BCL2L13: variants seen among roughly 807,000 people sequenced by gnomAD.
The protein encoded by BCL2L13 is BCL2 like 13.
In BCL2L13, 13 loss-of-function variants were observed where a neutral mutation model predicts 25.8. That is an observed-to-expected ratio of 0.50 (90% CI 0.33 to 0.80). The LOEUF is 0.80. Ranked by LOEUF, BCL2L13 falls within the 30% of genes least tolerant of loss-of-function variation. The probability of loss-of-function intolerance (pLI) is 0.02; values close to 1 mark genes in which losing one functional copy is unlikely to be tolerated. For synonymous variants in BCL2L13, 244 were observed against 230.3 expected, an observed-to-expected ratio of 1.06 and a Z score of -0.54; for missense variants, 504 against 574.9, an observed-to-expected ratio of 0.88 and a Z score of 1.26.
At chr22:17,691,868 A>T (rs1568980033) in intron 4 of BCL2L13, among the ~76,000 whole-genome samples, 2 of 152,106 alleles carry the variant, frequency 1.3e-5, no homozygotes, top group Non-Finnish European at 2.9e-5. Context: ...AGCAAATTCT[A>T]TTTAAAGGAG....
chr22:17,646,405 C>A (rs745427324), intron 1 of BCL2L13, among the ~76,000 whole-genome samples: 1 of 151,174 alleles, frequency 6.6e-6, no homozygotes, highest in Non-Finnish European at 1.5e-5. Flanking sequence ...CATGCCACCA[C>A]GCCAGGCTAA....
chr22:17,668,260 A>C (rs1206748460), intron 2 of BCL2L13, among the ~76,000 whole-genome samples: 1 of 148,832 alleles, frequency 6.7e-6, no homozygotes. Context: ...TGATTTGCCC[A>C]CCTCAGCCTC....
intron 2 of BCL2L13, among the ~76,000 whole-genome samples, chr22:17,656,528 A>G (rs1172238161): frequency 6.6e-6 from 1 of 150,722 alleles, no homozygotes; most frequent in Non-Finnish European, 1.5e-5. Flanking sequence ...TTGTATTTTT[A>G]GTAGAGATGA....
chr22:17,667,274 C>G (rs1021083462), intron 2 of BCL2L13, among the ~76,000 whole-genome samples: 1 of 152,010 alleles, frequency 6.6e-6, no homozygotes, highest in Non-Finnish European at 1.5e-5. Context: ...TGGGTTCAAG[C>G]GATTCTCCTG....
chr22:17,657,379 A>G (rs1004589548), intron 2 of BCL2L13, among the ~76,000 whole-genome samples: 1 of 151,452 alleles, frequency 6.6e-6, no homozygotes, highest in Non-Finnish European at 1.5e-5. Context: ...ACTTAACTCT[A>G]CTTTGTGCTA....
intron 2 of BCL2L13, among the ~76,000 whole-genome samples, chr22:17,670,373 C>CT (rs370701152): frequency 0.15 from 19,838 of 128,876 alleles, 1,867 homozygotes; most frequent in African/African-American, 0.24. Context: ...CTCAAATCAG[C>CT]TTTTTTTTTT....
intron 6 of BCL2L13, among the ~76,000 whole-genome samples, chr22:17,725,415 G>A (rs1163289951): frequency 6.6e-5 from 10 of 151,668 alleles, no homozygotes; most frequent in Admixed American, 6.6e-4. Flanking sequence ...TGTACCCTTC[G>A]CCTGCCAAAA....
At chr22:17,653,146 A>G (rs5992088) in intron 1 of BCL2L13, among the ~76,000 whole-genome samples, 51,128 of 152,016 alleles carry the variant, frequency 0.34, 9,366 homozygotes, top group African/African-American at 0.43. Flanking sequence ...TTGCACTGCC[A>G]TCATAAAGTG....
At chr22:17,633,764 T>C (rs1177088439), upstream of BCL2L13, among the ~76,000 whole-genome samples, 5 of 152,210 alleles carry the variant, frequency 3.3e-5, no homozygotes, top group Non-Finnish European at 5.9e-5. Context: ...CTTAGGTGTC[T>C]GCACTTTTTG....
intron 6 of BCL2L13, among the ~76,000 whole-genome samples, chr22:17,712,782 A>G (rs1479837440): frequency 6.6e-6 from 1 of 152,200 alleles, no homozygotes; most frequent in Non-Finnish European, 1.5e-5. Flanking sequence ...TTTCAGGAAG[A>G]TTACAGAAAT....
intron 1 of BCL2L13, among the ~76,000 whole-genome samples, chr22:17,641,838 C>T (rs535581669): frequency 5.5e-5 from 8 of 144,562 alleles, no homozygotes; most frequent in South Asian, 2.2e-4. Flanking sequence ...CTCACTCTGT[C>T]GCCCAGGCTG....
At position 17,728,253 on chromosome 22, in the gene BCL2L13, AGTCT is replaced by A. The variant is rs2061346767; in HGVS notation, c.*723_*726del. ...ACGGGCGAGGGCTTGCTCTGGACTC[AGTCT>A]GTCAAGTCCCCGAAGCTTCCTGCAG... On this transcript the variant is annotated 3_prime_UTR_variant, in exon 7 of 7. Coordinates refer to ENST00000317582, the MANE Select transcript of BCL2L13 (RefSeq NM_015367.4). 3 of 130,824 alleles carry A rather than the reference AGTCT, an allele frequency of 2.3e-5. No individual in the cohort carries two copies. Among genetic ancestry groups the A allele is most frequent in the South Asian group, 4.3e-4 (2 of 4,666 alleles). The allele number at this position is 130,824 out of a possible 1,614,324, so 8.1% of individuals were successfully genotyped here.
intron 6 of BCL2L13, among the ~76,000 whole-genome samples, chr22:17,722,265 G>A (rs2061160228): frequency 6.6e-6 from 1 of 151,766 alleles, no homozygotes; most frequent in Admixed American, 6.6e-5. Flanking sequence ...ATCTTGCTCT[G>A]TCATCCAGGC....
chr22:17,690,817 A>G (rs2060084662), intron 4 of BCL2L13, among the ~76,000 whole-genome samples: 1 of 152,196 alleles, frequency 6.6e-6, no homozygotes, highest in African/African-American at 2.4e-5. Context: ...CCTAATATAT[A>G]GTAAAATTTA....
At chr22:17,710,196 A>G (rs1338123761) in intron 6 of BCL2L13, among the ~76,000 whole-genome samples, 2 of 152,170 alleles carry the variant, frequency 1.3e-5, no homozygotes, top group Non-Finnish European at 2.9e-5. Context: ...ACAGCACAGA[A>G]TGTTCAGTGA....
chr22:17,727,774 A>G lies in BCL2L13; in HGVS notation c.*240A>G. 1.7e-6 allele frequency: 1 copy of G among 572,978 alleles called. No individual in the cohort carries two copies. Among genetic ancestry groups the G allele is most frequent in the South Asian group, 2.2e-5 (1 of 46,460 alleles). The allele number at this position is 572,978 out of a possible 1,614,324, so 35.5% of individuals were successfully genotyped here. ...AAATTGAGAATCTTAGGGGTAAAGCACCCCCTCCAGGACCGGGTTTCTCAG... is the reference window on the plus strand; with the variant it reads ...AAATTGAGAATCTTAGGGGTAAAGCGCCCCCTCCAGGACCGGGTTTCTCAG... On this transcript the variant is annotated 3_prime_UTR_variant, in exon 7 of 7. Transcript: ENST00000317582.
intron 2 of BCL2L13, among the ~76,000 whole-genome samples, chr22:17,668,077 C>G (rs2059293936): frequency 7.0e-6 from 1 of 142,430 alleles, no homozygotes; most frequent in Non-Finnish European, 1.5e-5. Flanking sequence ...GTGGCACTAT[C>G]TTGGCTCATT....
rs938089378 is a variant in BCL2L13, at chr22:17,726,727, T to C, written c.651T>C (p.Thr217=). ...AGGAGGAGGAATACCCTGGAATCAC[T>C]GCAGAAGATAGCAATGACATTTACA... ...ESEEEEYPGI[T]AEDSNDIYIL... The change falls in exon 7 of 7, where the codon ACT becomes ACC. Residue 217 remains threonine (T), a synonymous_variant. Transcript: ENST00000317582. The C allele has an allele frequency of 3.1e-6, 5 of 1,614,198 alleles. No homozygotes were observed. Among genetic ancestry groups the C allele is most frequent in the Non-Finnish European group, 4.2e-6 (5 of 1,180,034 alleles).
At chr22:17,721,911 C>A (rs1027531826) in intron 6 of BCL2L13, among the ~76,000 whole-genome samples, 1 of 151,794 alleles carries the variant, frequency 6.6e-6, no homozygotes, top group Non-Finnish European at 1.5e-5. Context: ...CTGCCCTGCT[C>A]GGCCTCCCAA....
Sources: gnomAD v4.1 joint callset for allele counts (sites outside exome capture counted in the v4.1 genomes callset) on GRCh38, gnomAD v4.1.1 for gene constraint, MANE v1.5 for transcripts, NCBI Gene and HGNC (gene_info 2026-07-23, HGNC 2026-07-21) for gene names.